The following HUNK variants were observed in gnomAD, a reference collection of about 807,000 sequenced individuals.
The protein encoded by HUNK is hormonally up-regulated neu tumor-associated kinase.
A neutral mutation model predicts 61.0 loss-of-function variants in HUNK; 21 were observed. The ratio of observed to expected loss-of-function variants is 0.34; its 90% CI spans 0.24 to 0.50. The LOEUF (loss-of-function observed/expected upper bound fraction) is 0.50, where lower values mean the gene tolerates loss of function less well. HUNK is among the 20% of genes least tolerant of loss of function. HUNK has a pLI of 0.98. For missense variants in HUNK, 772 were observed against 945.7 expected (o/e 0.82, Z 2.41); for synonymous variants, 371 against 386.1 (o/e 0.96, Z 0.46).
chr21:31,975,456 C>A (rs1427540050), intron 7 of HUNK, among the ~76,000 whole-genome samples: 1 of 152,228 alleles, frequency 6.6e-6, no homozygotes, highest in Admixed American at 6.5e-5. Context: ...CTGCATACAG[C>A]AGCTCATGCT....
At chr21:31,975,617 T>TG (rs1373035353) in intron 7 of HUNK, among the ~76,000 whole-genome samples, 6 of 152,164 alleles carry the variant, frequency 3.9e-5, no homozygotes, top group Non-Finnish European at 7.3e-5. Context: ...TGACATCTGA[T>TG]GGCGTGGAGT....
intron 4 of HUNK, among the ~76,000 whole-genome samples, chr21:31,952,534 A>G (rs990148074): frequency 9.9e-5 from 15 of 152,160 alleles, no homozygotes; most frequent in African/African-American, 3.1e-4. Context: ...CGACTTCTCC[A>G]GGGAGCAGTG....
chr21:31,970,367 C>A (rs1307757282), intron 6 of HUNK, among the ~76,000 whole-genome samples: 1 of 152,084 alleles, frequency 6.6e-6, no homozygotes, highest in Non-Finnish European at 1.5e-5. Flanking sequence ...TAGCATTTGG[C>A]TCATGGGAGG....
In HUNK at chr21:32,003,614, A is replaced by G. The variant is rs942593465; in HGVS notation, c.*4430A>G. On this transcript the variant is annotated 3_prime_UTR_variant, in exon 11 of 11. Coordinates refer to ENST00000270112, the MANE Select transcript of HUNK (RefSeq NM_014586.2). ...TTCAATTTCATGTCATCACTTTTCA[A>G]TGAAGGGAGTGCATTTCCTGAGTAG... 1 of 152,158 alleles carries G rather than the reference A, an allele frequency of 6.6e-6. No homozygotes were observed. The allele number at this position is 152,158 out of a possible 1,614,324, so 9.4% of individuals were successfully genotyped here.
At chr21:31,908,069 A>G (rs1370209739) in intron 1 of HUNK, among the ~76,000 whole-genome samples, 2 of 152,222 alleles carry the variant, frequency 1.3e-5, no homozygotes, top group East Asian at 3.8e-4. Flanking sequence ...TTTTAAATGA[A>G]CAAAAACTTA....
chr21:31,949,792 C>G (rs982957937), intron 4 of HUNK, among the ~76,000 whole-genome samples: 21 of 152,190 alleles, frequency 1.4e-4, no homozygotes, highest in African/African-American at 5.1e-4. Flanking sequence ...CAGGCCGCTT[C>G]CACTCATGGT....
At chr21:31,887,502 C>T (rs2052355043) in intron 1 of HUNK, among the ~76,000 whole-genome samples, 1 of 152,194 alleles carries the variant, frequency 6.6e-6, no homozygotes, top group Admixed American at 6.5e-5. Flanking sequence ...TGGGCTCCCT[C>T]CCTGCATCAC....
intron 4 of HUNK, among the ~76,000 whole-genome samples, chr21:31,957,353 G>C (rs970017540): frequency 9.2e-5 from 14 of 152,196 alleles, no homozygotes; most frequent in African/African-American, 3.4e-4. Context: ...TAACTCCACT[G>C]TGAGTTTGGA....
chr21:31,971,873 GGC>G (rs1288369626), intron 6 of HUNK, among the ~76,000 whole-genome samples: 1 of 147,164 alleles, frequency 6.8e-6, no homozygotes, highest in African/African-American at 2.5e-5. Flanking sequence ...TCATAGCCCA[GGC>G]TAGAGTTCAG....
chr21:31,936,879 C>T lies in HUNK; in HGVS notation c.555-3286C>T, dbSNP rs534070237. 3.9e-4 allele frequency among the ~76,000 whole-genome samples: 60 copies of T among 152,260 alleles called. 1 individual carries two copies. The highest frequency in any genetic ancestry group is 2.5e-3 in the South Asian group (12 of 4,820). ...GCAGTTGCTGTCTTTTACCTTGCCT[C>T]TTTAGGATGTTTTTCCCCACAGTAT... On this transcript the variant is annotated intron_variant, in intron 2 of 10. Coordinates refer to ENST00000270112, the MANE Select transcript of HUNK (RefSeq NM_014586.2).
intron 1 of HUNK, among the ~76,000 whole-genome samples, chr21:31,921,897 TATG>T (rs1311451860): frequency 6.6e-6 from 1 of 152,120 alleles, no homozygotes; most frequent in African/African-American, 2.4e-5. Context: ...GTATGCAGGT[TATG>T]ATAAGTGAGC....
At chr21:31,995,158 CAAAAAAA>C (rs34858300) in intron 9 of HUNK, among the ~76,000 whole-genome samples, 3 of 73,880 alleles carry the variant, frequency 4.1e-5, no homozygotes, top group African/African-American at 1.1e-4. Context: ...GACCCTGCCT[CAAAAAAA>C]AAAAAAAAAA....
At chr21:31,876,528 C>T (rs1432061585) in intron 1 of HUNK, among the ~76,000 whole-genome samples, 1 of 152,198 alleles carries the variant, frequency 6.6e-6, no homozygotes, top group Non-Finnish European at 1.5e-5. Context: ...TCCTCATTCC[C>T]ACTCTAGTTT....
At chr21:31,969,327 A>G (rs764841693) in intron 6 of HUNK, among the ~76,000 whole-genome samples, 7 of 152,108 alleles carry the variant, frequency 4.6e-5, no homozygotes, top group Non-Finnish European at 7.3e-5. Context: ...TTTCAGCCCT[A>G]AGACCCCTGC....
intron 5 of HUNK, among the ~76,000 whole-genome samples, chr21:31,961,364 T>C (rs1400223022): frequency 6.6e-6 from 1 of 152,146 alleles, no homozygotes; most frequent in Non-Finnish European, 1.5e-5. Context: ...TAAACATTCA[T>C]GTTTAAGTTT....
intron 1 of HUNK, among the ~76,000 whole-genome samples, chr21:31,912,219 C>A (rs1046703700): frequency 3.3e-5 from 5 of 152,134 alleles, no homozygotes; most frequent in African/African-American, 1.2e-4. Context: ...TTCCAGGTTC[C>A]TGACGCGGTG....
intron 1 of HUNK, among the ~76,000 whole-genome samples, chr21:31,904,111 A>G (rs1334062699): frequency 2.0e-5 from 3 of 151,822 alleles, no homozygotes; most frequent in African/African-American, 7.3e-5. Flanking sequence ...CTAAGCAATT[A>G]GTCTCGGTTC....
At chr21:31,892,102 CA>C (rs1461470718) in intron 1 of HUNK, among the ~76,000 whole-genome samples, 1 of 138,640 alleles carries the variant, frequency 7.2e-6, no homozygotes, top group Admixed American at 7.7e-5. Flanking sequence ...TCTGTATCTG[CA>C]AAATGGTGAC....
chr21:31,990,049 G>T (rs2053161223), intron 8 of HUNK, 80 bp from the exon 9 acceptor site: 8 of 1,254,074 alleles, frequency 6.4e-6, no homozygotes, highest in Middle Eastern at 1.9e-4. Flanking sequence ...AACCAGAGCT[G>T]CAGGGCCGTA....
Sources: allele counts gnomAD v4.1 joint callset (sites outside exome capture counted in the v4.1 genomes callset), GRCh38; gene constraint gnomAD v4.1.1; transcripts MANE v1.5; gene names NCBI Gene and HGNC (gene_info 2026-07-23, HGNC 2026-07-21).